The following KCNH7 variants were observed in gnomAD, a reference collection of about 807,000 sequenced individuals.
KCNH7 encodes the protein voltage-gated inwardly rectifying potassium channel KCNH7.
A neutral mutation model predicts 120.8 loss-of-function variants in KCNH7; 49 were observed. That is an observed-to-expected ratio of 0.41 (90% CI 0.32 to 0.51). The LOEUF (loss-of-function observed/expected upper bound fraction) is 0.51, where lower values mean the gene tolerates loss of function less well. Among genes scored for constraint, KCNH7 ranks in the 20% least tolerant of loss-of-function variants. The pLI is 0.38. For missense variants in KCNH7, 1,097 were observed against 1,446.6 expected (o/e 0.76, Z 3.92); for synonymous variants, 547 against 516.1 (o/e 1.06, Z -0.81).
At chr2:162,654,868 T>A (rs1684688510) in intron 2 of KCNH7, among the ~76,000 whole-genome samples, 1 of 152,098 alleles carries the variant, frequency 6.6e-6, no homozygotes, top group African/African-American at 2.4e-5. Context: ...TTAAATGAAA[T>A]AAGTCAGGCA....
intron 12 of KCNH7, among the ~76,000 whole-genome samples, chr2:162,386,182 C>T (rs561690779): frequency 6.6e-6 from 1 of 151,968 alleles, no homozygotes; most frequent in East Asian, 1.9e-4. Flanking sequence ...CTTACTGTTA[C>T]TTGTATATCC....
At chr2:162,486,444 G>C (rs766853695) in intron 6 of KCNH7, among the ~76,000 whole-genome samples, 5 of 152,058 alleles carry the variant, frequency 3.3e-5, no homozygotes, top group Non-Finnish European at 7.4e-5. Context: ...AAACACAGGT[G>C]GACTTGGAAC....
chr2:162,481,070 C>T (rs1010706866), intron 6 of KCNH7, among the ~76,000 whole-genome samples: 1 of 152,162 alleles, frequency 6.6e-6, no homozygotes, highest in African/African-American at 2.4e-5. Flanking sequence ...CTCCTCCAGA[C>T]TGGGTTACGT....
chr2:162,639,978 G>A (rs1442907698), intron 2 of KCNH7, among the ~76,000 whole-genome samples: 1 of 152,052 alleles, frequency 6.6e-6, no homozygotes, highest in Non-Finnish European at 1.5e-5. Context: ...AGATTACTTA[G>A]GTGTCAATCT....
Position 162,518,052 on chromosome 2 carries a change from G to T in KCNH7, c.570C>A (p.His190Gln). 6.2e-7 allele frequency: 1 copy of T among 1,612,354 alleles called. No individual in the cohort carries two copies. The highest frequency in any genetic ancestry group is 8.5e-7 in the Non-Finnish European group (1 of 1,178,830). Residue 190 changes from histidine (H) to glutamine (Q), a missense_variant, in exon 4 of 16, where the codon CAC (histidine) becomes CAA (glutamine). By Grantham distance (24) the His-to-Gln change is conservative. Around this residue, in one of 8 missense-constraint regions of KCNH7, gnomAD observed 362 missense variants for 372.2 expected, o/e 0.97. Coordinates refer to ENST00000332142, the MANE Select transcript of KCNH7 (RefSeq NM_033272.4). ...GCTTCATGGCTACTGAATCATCACTGTGTTTAGATGAATCGATGACCACCA... is the reference window on the plus strand; with the variant it reads ...GCTTCATGGCTACTGAATCATCACTTTGTTTAGATGAATCGATGACCACCA... Reference protein sequence around the residue: ...PDVVVIDSSKHSDDSVAMKHF... With the variant: ...PDVVVIDSSKQSDDSVAMKHF...
chr2:162,738,067 CAAAAAAAAA>C (rs58433565), intron 2 of KCNH7, among the ~76,000 whole-genome samples: 1 of 56,032 alleles, frequency 1.8e-5, no homozygotes, highest in East Asian at 4.7e-4. Flanking sequence ...GACTTCATAT[CAAAAAAAAA>C]AAAAAAAAAA....
intron 2 of KCNH7, among the ~76,000 whole-genome samples, chr2:162,652,249 C>A (rs1428587743): frequency 6.6e-6 from 1 of 152,128 alleles, no homozygotes; most frequent in Admixed American, 6.5e-5. Context: ...TGGGAAAAAT[C>A]TAAACTTTTG....
rs371038015 is a variant in KCNH7, at chr2:162,669,212, A to C, written c.308-132132T>G. On this transcript the variant is annotated intron_variant, in intron 2 of 15. Transcript: ENST00000332142. Reference sequence around the variant, plus strand: ...ATTTTAGAGTTTTCTAAAAGCATTGAAAGATGTGACTGTTTAAACTCAAAA... The same window carrying C: ...ATTTTAGAGTTTTCTAAAAGCATTGCAAGATGTGACTGTTTAAACTCAAAA... Among the ~76,000 whole-genome samples the C allele has an allele frequency of 1.5e-3, 225 of 152,294 alleles. 1 individual carries two copies. The highest frequency in any genetic ancestry group is 4.8e-3 in the African/African-American group (200 of 41,570).
chr2:162,571,330 A>C (rs1455725570), intron 2 of KCNH7, among the ~76,000 whole-genome samples: 1 of 152,134 alleles, frequency 6.6e-6, no homozygotes, highest in Non-Finnish European at 1.5e-5. Context: ...TGGGAATCCA[A>C]CTTACAAGGG....
intron 2 of KCNH7, among the ~76,000 whole-genome samples, chr2:162,591,301 CAG>C (rs1212935335): frequency 1.3e-5 from 2 of 151,892 alleles, no homozygotes; most frequent in African/African-American, 4.8e-5. Context: ...CAACAGTGCA[CAG>C]ACTCTCCTTC....
chr2:162,374,988 T>A (rs781103849), intron 14 of KCNH7, among the ~76,000 whole-genome samples: 9 of 152,200 alleles, frequency 5.9e-5, no homozygotes, highest in Non-Finnish European at 8.8e-5. Context: ...CCAACTAAAC[T>A]AAGCAGACCC....
chr2:162,474,015 T>G (rs1689651616), intron 6 of KCNH7, among the ~76,000 whole-genome samples: 1 of 152,166 alleles, frequency 6.6e-6, no homozygotes, highest in Non-Finnish European at 1.5e-5. Context: ...AATGGGGAAT[T>G]ATAATAACAA....
chr2:162,561,832 C>T (rs994219368), intron 2 of KCNH7, among the ~76,000 whole-genome samples: 7 of 152,106 alleles, frequency 4.6e-5, no homozygotes, highest in African/African-American at 1.4e-4. Context: ...CAGTGATAGA[C>T]CGAATAAAGA....
At chr2:162,385,937 C>A (rs1558919535) in intron 12 of KCNH7, among the ~76,000 whole-genome samples, 1 of 151,590 alleles carries the variant, frequency 6.6e-6, no homozygotes, top group Non-Finnish European at 1.5e-5. Context: ...TTTTTTAAAT[C>A]ATAATTTAAA....
chr2:162,754,568 C>A (rs933714982), intron 2 of KCNH7, among the ~76,000 whole-genome samples: 19 of 152,042 alleles, frequency 1.2e-4, no homozygotes, highest in African/African-American at 4.6e-4. Context: ...AGGGTTGGAT[C>A]TGTACATTTA....
chr2:162,465,209 T>G (rs1004744827), intron 6 of KCNH7, among the ~76,000 whole-genome samples: 9 of 152,140 alleles, frequency 5.9e-5, no homozygotes, highest in Admixed American at 3.9e-4. Flanking sequence ...TGAAACAAAT[T>G]ATCTCAAGTA....
intron 2 of KCNH7, among the ~76,000 whole-genome samples, chr2:162,820,033 C>CTTT (rs66809770): frequency 0.012 from 944 of 77,000 alleles, 35 homozygotes; most frequent in African/African-American, 0.034. Context: ...ATTCCATAAA[C>CTTT]TTTTTTTTTT....
chr2:162,429,075 T>C (rs1166642091), intron 8 of KCNH7, among the ~76,000 whole-genome samples: 2 of 151,866 alleles, frequency 1.3e-5, no homozygotes, highest in Non-Finnish European at 3.0e-5. Flanking sequence ...TCCTACAATA[T>C]TTTACATTTG....
At chr2:162,657,617 G>T (rs59726222) in intron 2 of KCNH7, among the ~76,000 whole-genome samples, 18,261 of 151,874 alleles carry the variant, frequency 0.12, 1,251 homozygotes, top group East Asian at 0.33. Flanking sequence ...TCAAGTTTTG[G>T]CAATTATGAA....
Sources: gnomAD v4.1 joint callset for allele counts (sites outside exome capture counted in the v4.1 genomes callset) on GRCh38, gnomAD v4.1.1 for gene constraint, gnomAD v4.1.1 regional missense constraint, MANE v1.5 for transcripts, NCBI Gene and HGNC (gene_info 2026-07-23, HGNC 2026-07-21) for gene names.